YARS1: variants seen among roughly 807,000 people sequenced by gnomAD.
YARS1 encodes the protein tyrosine--tRNA ligase, cytoplasmic.
YARS1 carries 36 observed loss-of-function variants against 62.2 expected under a neutral mutation model. That is an observed-to-expected ratio of 0.58 (90% CI 0.44 to 0.76). The LOEUF (loss-of-function observed/expected upper bound fraction) is 0.76. Ranked by LOEUF, YARS1 falls within the 30% of genes least tolerant of loss-of-function variation. The pLI is 0.00. For missense variants in YARS1, 524 were observed against 639.8 expected, an observed-to-expected ratio of 0.82 and a Z score of 1.95; for synonymous variants, 234 against 244.9, an observed-to-expected ratio of 0.96 and a Z score of 0.42.
At chr1:32,794,724 G>A (rs1653517410) in intron 5 of YARS1, among the ~76,000 whole-genome samples, 3 of 151,088 alleles carry the variant, frequency 2.0e-5, no homozygotes, top group Non-Finnish European at 2.9e-5. Flanking sequence ...AATGAGTTTT[G>A]AGGCTGGGTG....
intron 8 of YARS1, 74 bp from the exon 9 acceptor site, chr1:32,782,613 G>A (rs1475997871): frequency 6.3e-7 from 1 of 1,599,228 alleles, no homozygotes. Flanking sequence ...AAAAAAGTAG[G>A]ATCAAGGGAG....
chr1:32,814,009 C>A (rs1638642053), intron 1 of YARS1, among the ~76,000 whole-genome samples: 1 of 152,166 alleles, frequency 6.6e-6, no homozygotes, highest in South Asian at 2.1e-4. Context: ...ACTCTACAGT[C>A]TCCTTAACTG....
chr1:32,785,566 TTTTTC>T (rs1339439830), intron 8 of YARS1, among the ~76,000 whole-genome samples: 5 of 151,906 alleles, frequency 3.3e-5, no homozygotes, highest in African/African-American at 1.2e-4. Context: ...ATTATCTTTC[TTTTTC>T]TTTTCTTTTC....
chr1:32,787,570 C>T (rs890007842), intron 6 of YARS1, among the ~76,000 whole-genome samples: 18 of 150,190 alleles, frequency 1.2e-4, no homozygotes, highest in Admixed American at 1.1e-3. Flanking sequence ...AGTGCAGTGG[C>T]GCCATCTGAG....
chr1:32,786,807 A>G (rs1653242413), intron 7 of YARS1, 133 bp downstream of exon 7: 3 of 1,197,608 alleles, frequency 2.5e-6, no homozygotes, highest in Non-Finnish European at 2.4e-6. Context: ...ATACTTTAAT[A>G]TATAAGAAAT....
intron 10 of YARS1, 93 bp from the exon 11 acceptor site, chr1:32,780,371 C>T (rs1171730947): frequency 6.9e-7 from 1 of 1,457,508 alleles, no homozygotes; most frequent in Non-Finnish European, 9.5e-7. Context: ...GCATCCACTC[C>T]TTACAGAGGC....
chr1:32,797,049 T>TAG (rs1653626561), intron 5 of YARS1, among the ~76,000 whole-genome samples: 2 of 80,166 alleles, frequency 2.5e-5, no homozygotes, highest in Non-Finnish European at 4.3e-5. Flanking sequence ...TATATATATA[T>TAG]AGTAAGCATT....
chr1:32,783,848 A>G (rs1653136120), intron 8 of YARS1: 1 of 152,152 alleles, frequency 6.6e-6, no homozygotes, highest in African/African-American at 2.4e-5. Context: ...CAGTTCTTCA[A>G]CTGCACCTGC....
chr1:32,810,073 T>G (rs1032893831), intron 3 of YARS1, among the ~76,000 whole-genome samples: 20 of 144,358 alleles, frequency 1.4e-4, no homozygotes, highest in African/African-American at 4.6e-4. Flanking sequence ...GCCATTGCAC[T>G]CCAGCCTGGG....
chr1:32,817,107 AGAACCCCGTAATGGGGCTCAAAATCACT>A (rs1316211016), intron 1 of YARS1, 53 bp downstream of exon 1: 1 of 1,566,368 alleles, frequency 6.4e-7, no homozygotes, highest in Non-Finnish European at 8.8e-7. Flanking sequence ...CCACATACTT[AGAACCCCGTAATGGGGCTCAAAATCACT>A]GAACCTCGGG....
chr1:32,799,399 CAG>C (rs1324819103), intron 4 of YARS1, among the ~76,000 whole-genome samples: 2 of 152,152 alleles, frequency 1.3e-5, no homozygotes, highest in Non-Finnish European at 2.9e-5. Context: ...CAGGGCAGGG[CAG>C]AGACTGGAGA....
intron 11 of YARS1, 147 bp downstream of exon 11, chr1:32,779,938 C>G (rs760745482): frequency 4.6e-5 from 41 of 894,022 alleles, no homozygotes; most frequent in Middle Eastern, 3.3e-4. Context: ...ACGATAAGTC[C>G]TTCATGCATC....
intron 3 of YARS1, among the ~76,000 whole-genome samples, chr1:32,809,985 A>G (rs1372595527): frequency 6.6e-6 from 1 of 152,112 alleles, no homozygotes. Context: ...GCATGCCTGT[A>G]ATCCCAGGTA....
chr1:32,809,483 A>C (rs1638533750), intron 3 of YARS1, among the ~76,000 whole-genome samples: 1 of 152,100 alleles, frequency 6.6e-6, no homozygotes, highest in Non-Finnish European at 1.5e-5. Flanking sequence ...CAATTCTCCC[A>C]GCTTGGCCTC....
In YARS1 at chr1:32,806,707, A is replaced by G. The variant is rs894873241; in HGVS notation, c.381-96T>C. On this transcript the variant is annotated intron_variant, in intron 3 of 12. Transcript: ENST00000373477. ...CACATTAATTTACTTCCCTAACCTT[A>G]GTGTAACCAGGGATCTCGGTTTTAA... is the stretch of plus-strand genomic sequence containing the variant. The G allele has an allele frequency of 2.0e-6, 3 of 1,514,164 alleles. No individual in the cohort carries two copies. In the African/African-American group the frequency reaches 4.2e-5, roughly 21 times the overall value. The allele number at this position is 1,514,164 out of a possible 1,614,324, so 93.8% of individuals were successfully genotyped here.
chr1:32,781,336 T>A, intron 9 of YARS1, 191 bp from the exon 10 acceptor site: 1 of 631,532 alleles, frequency 1.6e-6, no homozygotes, highest in South Asian at 1.8e-5. Context: ...TTTCATCTGT[T>A]CTCTCCCTCA....
intron 10 of YARS1, chr1:32,780,751 G>T (rs1187875319): frequency 1.7e-5 from 8 of 472,634 alleles, no homozygotes; most frequent in South Asian, 1.0e-4. Flanking sequence ...CCTGTAGCTA[G>T]TCCAGGCAAG....
chr1:32,817,301 C>G lies in YARS1; in HGVS notation c.-57G>C. 1 of 1,605,208 alleles carries G rather than the reference C, an allele frequency of 6.2e-7. No individual in the cohort carries two copies. Among genetic ancestry groups the G allele is most frequent in the South Asian group, 1.1e-5 (1 of 90,940 alleles). On this transcript the variant is annotated 5_prime_UTR_variant, in exon 1 of 13. An upstream open reading frame in the 5' UTR loses its in-frame stop. Transcript: ENST00000373477. ...CCGGCACCAGAGCCCCTTCCTGGGT[C>G]ACCGTCGCCGCCGCGTGCCGGGAAC...
intron 8 of YARS1, among the ~76,000 whole-genome samples, chr1:32,784,615 T>C (rs912140921): frequency 6.6e-6 from 1 of 152,168 alleles, no homozygotes; most frequent in African/African-American, 2.4e-5. Context: ...TAGTGTCTCC[T>C]CCACAAGCTT....
Sources: allele counts gnomAD v4.1 joint callset (sites outside exome capture counted in the v4.1 genomes callset), GRCh38; gene constraint gnomAD v4.1.1; transcripts MANE v1.5; gene names NCBI Gene and HGNC (gene_info 2026-07-23, HGNC 2026-07-21).